The following RIC1 variants were observed in gnomAD, a reference collection of about 807,000 sequenced individuals.
The protein encoded by RIC1 is RIC1 partner of RAB6A GEF complex.
RIC1 carries 88 observed loss-of-function variants against 169.0 expected under a neutral mutation model. The ratio of observed to expected loss-of-function variants is 0.52; its 90% CI spans 0.44 to 0.62. The LOEUF (loss-of-function observed/expected upper bound fraction) is 0.62. Among genes scored for constraint, RIC1 ranks in the 20% least tolerant of loss-of-function variants. The pLI, the probability that RIC1 is intolerant of heterozygous loss-of-function variation, is 0.00. For missense variants in RIC1, 1,877 were observed against 1,725.5 expected, an observed-to-expected ratio of 1.09 and a Z score of -1.56; for synonymous variants, 790 against 601.5, an observed-to-expected ratio of 1.31 and a Z score of -4.59.
At chr9:5,692,085 C>G (rs1204639773) in intron 3 of RIC1, among the ~76,000 whole-genome samples, 3 of 152,092 alleles carry the variant, frequency 2.0e-5, no homozygotes, top group Admixed American at 6.6e-5. Context: ...AAAACATACT[C>G]TCTTTCTTAA....
chr9:5,699,975 C>A (rs947672529), intron 3 of RIC1, among the ~76,000 whole-genome samples: 9 of 151,770 alleles, frequency 5.9e-5, no homozygotes, highest in Middle Eastern at 3.4e-3. Context: ...AAAACTGTCA[C>A]ACAATTGATC....
At chr9:5,742,828 G>A in intron 8 of RIC1, 41 bp from the exon 9 acceptor site, 1 of 1,431,570 alleles carries the variant, frequency 7.0e-7, no homozygotes, top group East Asian at 2.5e-5. Context: ...TATTTCTGAA[G>A]CAACTATTTA....
rs545199769 is a variant in RIC1, at chr9:5,776,486, T to C, written c.*2240T>C. 1.3e-5 allele frequency: 2 copies of C among 152,202 alleles called. No homozygotes were observed. The highest frequency in any genetic ancestry group is 4.1e-4 in the South Asian group (2 of 4,824). 9.4% of individuals were successfully genotyped at this position (152,202 alleles called of 1,614,324 possible). ...GAATAAAATCAACCTTTGCTTGTAA[T>C]TAAAGTTGCTGCTATTTCTGTAATG... On this transcript the variant is annotated 3_prime_UTR_variant, in exon 26 of 26. Transcript: ENST00000414202.
In RIC1 at chr9:5,690,004, G is replaced by A. The variant is rs752450297; in HGVS notation, c.298G>A (p.Gly100Arg). 6.3e-7 allele frequency: 1 copy of A among 1,599,680 alleles called. No individual in the cohort carries two copies. The highest frequency in any genetic ancestry group is 8.5e-7 in the Non-Finnish European group (1 of 1,175,430). The change falls in exon 3 of 26, where the codon GGG (glycine) becomes AGG (arginine). Residue 100 changes from glycine to arginine, a missense_variant. By Grantham distance (125) the Gly-to-Arg change is moderately radical. Coordinates refer to ENST00000414202, the MANE Select transcript of RIC1 (RefSeq NM_020829.4). ...ILFFHITSTR[G>R]DKYLYEPVYP... ...GTTTTTTCATATTACATCTACAAGAGGGGACAAGTACCTTTATGAACCAGT... is the reference window on the plus strand; with the variant it reads ...GTTTTTTCATATTACATCTACAAGAAGGGACAAGTACCTTTATGAACCAGT...
intron 12 of RIC1, 71 bp downstream of exon 12, chr9:5,747,576 T>C: frequency 7.5e-7 from 1 of 1,341,614 alleles, no homozygotes; most frequent in Non-Finnish European, 1.1e-6. Context: ...GATTATTAAA[T>C]ATTTCATCTG....
At chr9:5,659,518 G>C (rs1276990137) in intron 2 of RIC1, among the ~76,000 whole-genome samples, 1 of 152,062 alleles carries the variant, frequency 6.6e-6, no homozygotes, top group Non-Finnish European at 1.5e-5. Context: ...CAGTCCCTAA[G>C]ATGCTATATG....
At chr9:5,676,518 T>A (rs1820454423) in intron 2 of RIC1, among the ~76,000 whole-genome samples, 1 of 152,194 alleles carries the variant, frequency 6.6e-6, no homozygotes. Flanking sequence ...CAAACTAGGG[T>A]ACAGAGAGGT....
At chr9:5,739,769 C>CA (rs1229262403) in intron 8 of RIC1, among the ~76,000 whole-genome samples, 6 of 149,782 alleles carry the variant, frequency 4.0e-5, no homozygotes, top group East Asian at 2.0e-4. Context: ...TTTCTTCTGG[C>CA]AAAAAAAAAG....
chr9:5,724,279 C>T (rs895367294), intron 6 of RIC1, among the ~76,000 whole-genome samples: 9 of 152,118 alleles, frequency 5.9e-5, no homozygotes, highest in Non-Finnish European at 1.3e-4. Flanking sequence ...CTTCACATCC[C>T]TTGTAAGTTG....
intron 6 of RIC1, among the ~76,000 whole-genome samples, chr9:5,725,174 A>T (rs1225595422): frequency 6.6e-6 from 1 of 152,108 alleles, no homozygotes; most frequent in African/African-American, 2.4e-5. Flanking sequence ...TTGGCTGTGA[A>T]TCTGTCTCGT....
At position 5,754,946 on chromosome 9, in the gene RIC1, C is replaced by T; in HGVS notation, c.1692+16C>T. On this transcript the variant is annotated intron_variant, in intron 15 of 25. Transcript: ENST00000414202. ...TCAAGAAGAGGTAAGTTTTTTCTCT[C>T]AGAAATAACAGATTTTTATATTTTA... The T allele has an allele frequency of 7.1e-7, 1 of 1,415,328 alleles. No homozygotes were observed. The highest frequency in any genetic ancestry group is 9.7e-7 in the Non-Finnish European group (1 of 1,035,060). 87.7% of individuals were successfully genotyped at this position (1,415,328 alleles called of 1,614,324 possible). A position where few individuals can be genotyped will look rare whatever the true frequency, so the allele number is the denominator to read the frequency against.
chr9:5,631,531 C>CAA (rs889512935), intron 1 of RIC1, among the ~76,000 whole-genome samples: 12 of 151,694 alleles, frequency 7.9e-5, no homozygotes, highest in African/African-American at 2.4e-4. Flanking sequence ...ACTAAAAATA[C>CAA]AAAAAAATAG....
At chr9:5,709,316 C>G (rs192020026) in intron 3 of RIC1, among the ~76,000 whole-genome samples, 6 of 152,268 alleles carry the variant, frequency 3.9e-5, no homozygotes, top group Admixed American at 3.9e-4. Flanking sequence ...CCTTAGCATT[C>G]ATTCCATTAT....
chr9:5,657,155 T>C (rs1056796146), intron 2 of RIC1, among the ~76,000 whole-genome samples: 2 of 152,172 alleles, frequency 1.3e-5, no homozygotes, highest in Non-Finnish European at 2.9e-5. Context: ...TTCTTGAATT[T>C]ATATTTAAAT....
chr9:5,748,466 A>G (rs1055196703), intron 12 of RIC1: 2 of 152,304 alleles, frequency 1.3e-5, no homozygotes, highest in African/African-American at 2.4e-5. Flanking sequence ...ACTTACATTA[A>G]TAAATTCATA....
intron 3 of RIC1, among the ~76,000 whole-genome samples, chr9:5,696,386 A>G (rs1011224080): frequency 6.6e-6 from 1 of 151,882 alleles, no homozygotes; most frequent in African/African-American, 2.4e-5. Context: ...TATTTGCTCT[A>G]TTCAGTATGA....
chr9:5,713,053 C>A (rs946432239), intron 3 of RIC1: 6 of 152,128 alleles, frequency 3.9e-5, no homozygotes, highest in Admixed American at 3.9e-4. Context: ...ACTTTGAAAG[C>A]TATTGGACTT....
At position 5,761,382 on chromosome 9, in the gene RIC1, G is replaced by A. The variant is rs571465190; in HGVS notation, c.1993-1159G>A. ...CCACCTCAGCCTCCCACCAAATGCTGGGATTACAGGTGTGAGCCACTGCGC... is the reference window on the plus strand; with the variant it reads ...CCACCTCAGCCTCCCACCAAATGCTAGGATTACAGGTGTGAGCCACTGCGC... On this transcript the variant is annotated intron_variant, in intron 17 of 25. Transcript: ENST00000414202. Among the ~76,000 whole-genome samples the A allele has an allele frequency of 1.1e-4, 17 of 152,166 alleles. No homozygotes were observed. The East Asian group carries it at 3.1e-3, about 28-fold the overall frequency.
intron 12 of RIC1, among the ~76,000 whole-genome samples, chr9:5,752,538 T>C (rs1402535674): frequency 1.3e-5 from 2 of 151,968 alleles, no homozygotes; most frequent in Non-Finnish European, 2.9e-5. Flanking sequence ...CCTCCCGGGT[T>C]CAAGCGATTG....
Sources: allele counts gnomAD v4.1 joint callset (sites outside exome capture counted in the v4.1 genomes callset), GRCh38; gene constraint gnomAD v4.1.1; transcripts MANE v1.5; gene names NCBI Gene and HGNC (gene_info 2026-07-23, HGNC 2026-07-21).